Variants in CTNNA3 observed in about 807,000 individuals in gnomAD.
CTNNA3 encodes catenin alpha 3.
In CTNNA3, 76 loss-of-function variants were observed where a neutral mutation model predicts 95.7. The observed-to-expected ratio is 0.79, with a 90% confidence interval of 0.66 to 0.96. The LOEUF (loss-of-function observed/expected upper bound fraction) is 0.96. Among genes scored for constraint, CTNNA3 ranks in the 40% least tolerant of loss-of-function variants. CTNNA3 has a pLI of 0.00. For synonymous variants in CTNNA3, 431 were observed against 374.4 expected, an observed-to-expected ratio of 1.15 and a Z score of -1.74; for missense variants, 1,191 against 1,089.8, an observed-to-expected ratio of 1.09 and a Z score of -1.31.
chr10:67,700,450 A>G (rs1398110269), upstream of CTNNA3, among the ~76,000 whole-genome samples: 3 of 152,210 alleles, frequency 2.0e-5, no homozygotes, highest in African/African-American at 7.2e-5. Flanking sequence ...ACGATCAGAC[A>G]GCAGCATTCA....
intron 5 of CTNNA3, among the ~76,000 whole-genome samples, chr10:67,316,346 A>G (rs893360152): frequency 1.3e-5 from 2 of 152,142 alleles, no homozygotes; most frequent in Admixed American, 1.3e-4. Context: ...TATTTTTCTG[A>G]GTTGTTTAAA....
In CTNNA3 at chr10:67,539,940, T is replaced by G. The variant is rs187607526; in HGVS notation, c.293-271A>C. The stretch of plus-strand genomic sequence containing the variant: ...AACATCTAGTAAAATTGCTGCCAAC[T>G]TCTGCATTTGCTGAATCTCATTTCT... On this transcript the variant is annotated intron_variant, in intron 3 of 17. Transcript: ENST00000433211. Among the ~76,000 whole-genome samples the G allele has an allele frequency of 2.0e-4, 31 of 152,312 alleles. 1 individual carries two copies. The East Asian group carries it at 6.0e-3, about 29-fold the overall frequency.
At chr10:66,222,494 GTACT>G (rs1324968727) in intron 13 of CTNNA3, among the ~76,000 whole-genome samples, 1 of 150,900 alleles carries the variant, frequency 6.6e-6, no homozygotes, top group East Asian at 1.9e-4. Context: ...AAATATTTCA[GTACT>G]TACTGTGTAT....
intron 5 of CTNNA3, among the ~76,000 whole-genome samples, chr10:67,288,362 G>A (rs376337714): frequency 2.3e-4 from 35 of 152,102 alleles, no homozygotes; most frequent in African/African-American, 8.0e-4. Flanking sequence ...AATCTTCTTA[G>A]CATACAAATC....
chr10:67,393,920 G>A (rs1048563781), intron 5 of CTNNA3, among the ~76,000 whole-genome samples: 4 of 152,110 alleles, frequency 2.6e-5, no homozygotes, highest in Non-Finnish European at 5.9e-5. Flanking sequence ...GCTCAATTCA[G>A]GATGGACTGA....
At chr10:66,080,633 T>C (rs1381851) in intron 14 of CTNNA3, among the ~76,000 whole-genome samples, 43,332 of 152,016 alleles carry the variant, frequency 0.29, 6,890 homozygotes, top group South Asian at 0.43. Context: ...CAAATAATAA[T>C]TTCACTGACT....
intron 3 of CTNNA3, among the ~76,000 whole-genome samples, chr10:67,562,079 A>C (rs531903774): frequency 6.6e-6 from 1 of 152,298 alleles, no homozygotes; most frequent in Admixed American, 6.5e-5. Context: ...AATTGGTACC[A>C]TTCTTTCTGA....
At chr10:67,095,929 T>C (rs560408957) in intron 7 of CTNNA3, among the ~76,000 whole-genome samples, 71 of 152,026 alleles carry the variant, frequency 4.7e-4, no homozygotes, top group African/African-American at 1.5e-3. Context: ...TTCTTATTTA[T>C]TTTAAATGGA....
chr10:67,152,715 T>C (rs759059934), intron 7 of CTNNA3, among the ~76,000 whole-genome samples: 29 of 152,206 alleles, frequency 1.9e-4, no homozygotes, highest in Non-Finnish European at 3.1e-4. Context: ...CTATTTATAA[T>C]TACCCACAAA....
At chr10:66,394,982 G>A (rs2132541082) in intron 11 of CTNNA3, among the ~76,000 whole-genome samples, 1 of 152,060 alleles carries the variant, frequency 6.6e-6, no homozygotes, top group Non-Finnish European at 1.5e-5. Context: ...ATGAGTTGCT[G>A]ATAACCTGGT....
intron 5 of CTNNA3, among the ~76,000 whole-genome samples, chr10:67,237,992 T>A (rs1216882597): frequency 6.6e-6 from 1 of 152,108 alleles, no homozygotes; most frequent in African/African-American, 2.4e-5. Context: ...TTTTGGTATA[T>A]CTAGATGGGA....
intron 7 of CTNNA3, among the ~76,000 whole-genome samples, chr10:66,798,914 G>C (rs992496775): frequency 6.6e-6 from 1 of 151,594 alleles, no homozygotes; most frequent in African/African-American, 2.4e-5. Flanking sequence ...AGAACTGAAG[G>C]GTGATTCGGC....
chr10:67,673,977 A>G (rs1047605413), intron 1 of CTNNA3, among the ~76,000 whole-genome samples: 2 of 151,444 alleles, frequency 1.3e-5, no homozygotes, highest in African/African-American at 4.8e-5. Context: ...GTAATAGCCA[A>G]CTCTTTGCTG....
intron 7 of CTNNA3, among the ~76,000 whole-genome samples, chr10:67,060,461 G>A (rs552279344): frequency 1.3e-5 from 2 of 152,160 alleles, no homozygotes; most frequent in Non-Finnish European, 2.9e-5. Flanking sequence ...AAAAGTAAAT[G>A]TTTCCAATTG....
At chr10:66,260,041 C>T (rs1356780838) in intron 13 of CTNNA3, among the ~76,000 whole-genome samples, 2 of 152,090 alleles carry the variant, frequency 1.3e-5, no homozygotes, top group African/African-American at 2.4e-5. Context: ...ACCTCAAGGT[C>T]TCTCTGACCT....
intron 9 of CTNNA3, among the ~76,000 whole-genome samples, chr10:66,737,699 C>T (rs1171491610): frequency 6.6e-6 from 1 of 150,476 alleles, no homozygotes; most frequent in East Asian, 2.0e-4. Context: ...CTCGCTCTGT[C>T]ACCAGGCTCG....
intron 1 of CTNNA3, among the ~76,000 whole-genome samples, chr10:67,657,648 C>T (rs1840062197): frequency 6.6e-6 from 1 of 151,972 alleles, no homozygotes; most frequent in East Asian, 1.9e-4. Context: ...GAGTTCGAGA[C>T]CAGCCTGGCC....
At chr10:67,739,963 T>G (rs542345075) in intron 1 of CTNNA3, among the ~76,000 whole-genome samples, 2 of 152,040 alleles carry the variant, frequency 1.3e-5, no homozygotes, top group Non-Finnish European at 1.5e-5. Flanking sequence ...AACAGAGATA[T>G]AGATCAATGG....
intron 10 of CTNNA3, among the ~76,000 whole-genome samples, chr10:66,604,650 T>TC (rs1484175610): frequency 6.6e-6 from 1 of 151,844 alleles, no homozygotes; most frequent in Non-Finnish European, 1.5e-5. Context: ...ACCATACTAC[T>TC]CCCCCAGAGT....
Sources: allele counts gnomAD v4.1 joint callset (sites outside exome capture counted in the v4.1 genomes callset), GRCh38; gene constraint gnomAD v4.1.1; transcripts MANE v1.5; gene names NCBI Gene and HGNC (gene_info 2026-07-23, HGNC 2026-07-21).